SCAI: variants seen among roughly 807,000 people sequenced by gnomAD.
SCAI encodes the protein protein SCAI.
Under a neutral mutation model 92.2 loss-of-function variants are expected in SCAI, and 24 were observed. That is an observed-to-expected ratio of 0.26 (90% confidence interval 0.19 to 0.37). The LOEUF (loss-of-function observed/expected upper bound fraction) is 0.37, where lower values mean the gene tolerates loss of function less well. Among genes scored for constraint, SCAI ranks in the 10% least tolerant of loss-of-function variants. The pLI, the probability that SCAI is intolerant of heterozygous loss-of-function variation, is 1.00. For missense variants in SCAI, 450 were observed against 736.2 expected (o/e 0.61, Z 4.50); for synonymous variants, 261 against 258.6 (o/e 1.01, Z -0.09).
intron 2 of SCAI, among the ~76,000 whole-genome samples, chr9:125,075,823 C>T (rs1466293273): frequency 6.6e-6 from 1 of 152,148 alleles, no homozygotes; most frequent in Non-Finnish European, 1.5e-5. Context: ...CCTCGGCCTC[C>T]CAAAGTGCTG....
intron 3 of SCAI, among the ~76,000 whole-genome samples, chr9:125,047,204 A>C (rs1171860749): frequency 3.3e-5 from 5 of 152,180 alleles, no homozygotes; most frequent in Non-Finnish European, 7.3e-5. Flanking sequence ...TTTTAATACA[A>C]TATGAGTTGC....
At chr9:125,016,494 G>GA (rs1345697437) in intron 9 of SCAI, among the ~76,000 whole-genome samples, 1 of 151,530 alleles carries the variant, frequency 6.6e-6, no homozygotes, top group East Asian at 1.9e-4. Context: ...CAATGTAAGA[G>GA]AAAAAATTAG....
intron 2 of SCAI, among the ~76,000 whole-genome samples, chr9:125,133,241 T>C (rs1340560240): frequency 6.6e-6 from 1 of 151,674 alleles, no homozygotes; most frequent in East Asian, 1.9e-4. Context: ...AATACAAAAA[T>C]TCACCGGGTG....
intron 9 of SCAI, among the ~76,000 whole-genome samples, chr9:125,016,177 T>TAATAA (rs71374218): frequency 0.019 from 1,490 of 79,204 alleles, 19 homozygotes; most frequent in African/African-American, 0.047. Context: ...ACTTAAAGTA[T>TAATAA]AATAAAATAA....
intron 3 of SCAI, among the ~76,000 whole-genome samples, chr9:125,034,323 A>T (rs1028909863): frequency 1.3e-5 from 2 of 152,194 alleles, no homozygotes; most frequent in African/African-American, 4.8e-5. Flanking sequence ...TAAGATCTGG[A>T]AGGGCAAACT....
At chr9:125,133,255 T>C (rs974329757) in intron 2 of SCAI, among the ~76,000 whole-genome samples, 2 of 151,622 alleles carry the variant, frequency 1.3e-5, no homozygotes, top group African/African-American at 2.4e-5. Context: ...CCGGGTGTGG[T>C]AGCAGGCGCC....
chr9:125,094,555 G>T (rs145381846), intron 2 of SCAI, among the ~76,000 whole-genome samples: 47 of 152,264 alleles, frequency 3.1e-4, no homozygotes, highest in Middle Eastern at 3.4e-3. Context: ...AGGCTGATGT[G>T]CAGGGGCTCC....
intron 17 of SCAI, among the ~76,000 whole-genome samples, chr9:124,961,404 C>T (rs1205479391): frequency 6.6e-6 from 1 of 151,846 alleles, no homozygotes; most frequent in African/African-American, 2.4e-5. Flanking sequence ...AATCCTAGAA[C>T]TTTGGGAGGC....
intron 2 of SCAI, among the ~76,000 whole-genome samples, chr9:125,128,417 C>T (rs1380164798): frequency 2.6e-5 from 4 of 151,552 alleles, no homozygotes; most frequent in South Asian, 2.1e-4. Flanking sequence ...GTCAGGAGTT[C>T]GAGACCAGCC....
At chr9:125,056,644 T>C (rs981420040) in intron 2 of SCAI, among the ~76,000 whole-genome samples, 13 of 152,220 alleles carry the variant, frequency 8.5e-5, no homozygotes, top group African/African-American at 3.1e-4. Flanking sequence ...TATTGATTTA[T>C]TTGTCCATTT....
intron 17 of SCAI, among the ~76,000 whole-genome samples, chr9:124,954,717 AC>A (rs1175584677): frequency 6.6e-6 from 1 of 152,052 alleles, no homozygotes; most frequent in African/African-American, 2.4e-5. Flanking sequence ...GCATTTCGTC[AC>A]CCCCAAAAGA....
chr9:125,089,382 A>G lies in SCAI; in HGVS notation c.99-33375T>C, dbSNP rs187865467. Among the ~76,000 whole-genome samples the G allele has an allele frequency of 3.1e-3, 466 of 152,352 alleles. 10 individuals carry two copies. Among genetic ancestry groups the G allele is most frequent in the Non-Finnish European group, 7.2e-4 (49 of 68,030 alleles). On this transcript the variant is annotated intron_variant, in intron 2 of 17. Transcript: ENST00000336505. ...AAGCAGGAAAAGGTTATACAATTCAATCTTCTTAAAATGTACTACTTAACC... is the reference window on the plus strand; with the variant it reads ...AAGCAGGAAAAGGTTATACAATTCAGTCTTCTTAAAATGTACTACTTAACC...
chr9:125,075,511 C>A (rs894106697), intron 2 of SCAI, among the ~76,000 whole-genome samples: 2 of 151,964 alleles, frequency 1.3e-5, no homozygotes, highest in South Asian at 4.1e-4. Flanking sequence ...AATTCTCCTG[C>A]CTCAGGCTCC....
intron 2 of SCAI, among the ~76,000 whole-genome samples, chr9:125,132,472 A>T (rs1352320880): frequency 2.0e-5 from 3 of 152,104 alleles, no homozygotes; most frequent in Non-Finnish European, 1.5e-5. Context: ...ATTCATTTGC[A>T]TGACTTGGAT....
At chr9:125,134,425 TTC>T (rs1409685374) in intron 2 of SCAI, among the ~76,000 whole-genome samples, 1 of 152,152 alleles carries the variant, frequency 6.6e-6, no homozygotes, top group Non-Finnish European at 1.5e-5. Flanking sequence ...ATTCAAATGT[TTC>T]TTAAACAAAT....
intron 2 of SCAI, among the ~76,000 whole-genome samples, chr9:125,068,701 T>G (rs914239670): frequency 6.6e-6 from 1 of 152,154 alleles, no homozygotes; most frequent in African/African-American, 2.4e-5. Flanking sequence ...AAAATAAATT[T>G]ACACTTGGCT....
intron 14 of SCAI, among the ~76,000 whole-genome samples, chr9:124,980,623 T>C (rs776305900): frequency 3.3e-5 from 5 of 152,198 alleles, no homozygotes; most frequent in South Asian, 2.1e-4. Context: ...CTAATGAGCT[T>C]TGCTGGTAGA....
At chr9:125,138,544 A>G (rs1835593752) in intron 2 of SCAI, among the ~76,000 whole-genome samples, 1 of 151,998 alleles carries the variant, frequency 6.6e-6, no homozygotes, top group South Asian at 2.1e-4. Flanking sequence ...CCTCCTGAGT[A>G]GCTGGGACTA....
chr9:125,046,657 T>G (rs2131120636), intron 3 of SCAI, among the ~76,000 whole-genome samples: 1 of 149,226 alleles, frequency 6.7e-6, no homozygotes, highest in Non-Finnish European at 1.5e-5. Flanking sequence ...CTAAAGAACT[T>G]ATTCATGTAA....
Sources: allele counts gnomAD v4.1 joint callset (sites outside exome capture counted in the v4.1 genomes callset), GRCh38; gene constraint gnomAD v4.1.1; transcripts MANE v1.5; gene names NCBI Gene and HGNC (gene_info 2026-07-23, HGNC 2026-07-21).